PDCD1LG2: variants seen among roughly 807,000 people sequenced by gnomAD.
The protein encoded by PDCD1LG2 is B7 dendritic cell molecule.
A neutral mutation model predicts 28.2 loss-of-function variants in PDCD1LG2; 32 were observed. That is an observed-to-expected ratio of 1.13 (90% confidence interval 0.86 to 1.52). The LOEUF (loss-of-function observed/expected upper bound fraction) is 1.52, where lower values mean the gene tolerates loss of function less well. PDCD1LG2 is among the 40% of genes most tolerant of loss of function. PDCD1LG2 has a pLI of 0.00. For synonymous variants in PDCD1LG2, 116 were observed against 120.2 expected (o/e 0.97, Z 0.23); for missense variants, 385 against 323.8 (o/e 1.19, Z -1.45).
At chr9:5,525,974 G>C (rs903285820) in intron 2 of PDCD1LG2, among the ~76,000 whole-genome samples, 3 of 151,634 alleles carry the variant, frequency 2.0e-5, no homozygotes, top group African/African-American at 7.3e-5. Flanking sequence ...TTGAACCAGG[G>C]AGTCGGAGGT....
chr9:5,566,283 A>C (rs1371376160), intron 6 of PDCD1LG2, among the ~76,000 whole-genome samples: 1 of 152,178 alleles, frequency 6.6e-6, no homozygotes, highest in East Asian at 1.9e-4. Flanking sequence ...TTGCTTCACT[A>C]ACCAGCAACT....
Position 5,512,505 on chromosome 9 carries a change from C to A in PDCD1LG2, c.-15+1702C>A, listed in dbSNP as rs138191376. ...GGGGGAGCTTCTGATGCTCTTCTGA[C>A]CACCTTGTCTCTGCCTTTTTCACTA... On this transcript the variant is annotated intron_variant, in intron 1 of 6. Coordinates refer to ENST00000397747, the MANE Select transcript of PDCD1LG2 (RefSeq NM_025239.4). Among the ~76,000 whole-genome samples, 478 of 152,292 alleles carry A rather than the reference C, an allele frequency of 3.1e-3. 2 individuals are homozygous for A. The highest frequency in any genetic ancestry group is 0.011 in the African/African-American group (442 of 41,544).
Position 5,534,886 on chromosome 9 carries a change from C to T in PDCD1LG2, c.197C>T (p.Thr66Ile), listed in dbSNP as rs1420582774. 1 of 1,614,034 alleles carries T rather than the reference C, an allele frequency of 6.2e-7. No homozygotes were observed. Among genetic ancestry groups the T allele is most frequent in the Non-Finnish European group, 8.5e-7 (1 of 1,180,010 alleles). ...TASLQKVEND[T>I]SPHRERATLL... is the part of the protein sequence containing the mutation. ...AGTTTGCAAAAGGTGGAAAATGATA[C>T]ATCCCCACACCGTGAAAGAGCCACT... is the stretch of plus-strand genomic sequence containing the variant. Residue 66 changes from threonine (T) to isoleucine (I), a missense_variant, in exon 3 of 7, where the codon ACA (threonine) becomes ATA (isoleucine). Physicochemically the swap from Thr to Ile is moderately conservative, Grantham distance 89. Coordinates refer to ENST00000397747, the MANE Select transcript of PDCD1LG2 (RefSeq NM_025239.4).
At chr9:5,512,010 A>T (rs893867474) in intron 1 of PDCD1LG2, among the ~76,000 whole-genome samples, 1 of 152,210 alleles carries the variant, frequency 6.6e-6, no homozygotes, top group Non-Finnish European at 1.5e-5. Context: ...ACCAGAAATG[A>T]AATGTTCGTG....
In PDCD1LG2 at chr9:5,562,033, C is replaced by T. The variant is rs531614243; in HGVS notation, c.767-1129C>T. ...AGACCTCCAAATTCCAGGCCAAGCT[C>T]AGGATAGTCATGAGGGAATTACTAA... On this transcript the variant is annotated intron_variant, in intron 5 of 6. Coordinates refer to ENST00000397747, the MANE Select transcript of PDCD1LG2 (RefSeq NM_025239.4). 2.0e-5 allele frequency among the ~76,000 whole-genome samples: 3 copies of T among 152,202 alleles called. No individual in the cohort carries two copies. In the South Asian group the frequency reaches 6.2e-4, roughly 32 times the overall value.
chr9:5,534,348 G>A (rs955379287), intron 2 of PDCD1LG2, among the ~76,000 whole-genome samples: 7 of 152,160 alleles, frequency 4.6e-5, no homozygotes, highest in Admixed American at 3.3e-4. Context: ...TTGATGGTAG[G>A]GAAGTCGAAA....
chr9:5,542,853 A>C (rs1012538527), intron 3 of PDCD1LG2, among the ~76,000 whole-genome samples: 1 of 146,734 alleles, frequency 6.8e-6, no homozygotes, highest in Non-Finnish European at 1.5e-5. Context: ...AAAAGAAGTC[A>C]TTATACAAAA....
rs757028141 is a variant in PDCD1LG2, at chr9:5,521,176, C to G, written c.-14-1357C>G. On this transcript the variant is annotated intron_variant, in intron 1 of 6. Coordinates refer to ENST00000397747, the MANE Select transcript of PDCD1LG2 (RefSeq NM_025239.4). ...ATCCAGAATAAGCAATTGATAGAGA[C>G]AGAAACTAGATTAGTGGTTGCCAAG... 2.0e-4 allele frequency among the ~76,000 whole-genome samples: 30 copies of G among 152,062 alleles called. No individual in the cohort carries two copies. In the Middle Eastern group the frequency reaches 0.014, roughly 69 times the overall value.
intron 2 of PDCD1LG2, among the ~76,000 whole-genome samples, chr9:5,527,603 GTTA>G (rs1320827481): frequency 6.6e-6 from 1 of 152,182 alleles, no homozygotes; most frequent in Admixed American, 6.5e-5. Context: ...TACAAATAAA[GTTA>G]TTATAAATAT....
chr9:5,529,282 G>A (rs1210238414), intron 2 of PDCD1LG2, among the ~76,000 whole-genome samples: 1 of 152,106 alleles, frequency 6.6e-6, no homozygotes, highest in Non-Finnish European at 1.5e-5. Context: ...TTTTGTAGTT[G>A]TATATTCTAT....
At chr9:5,527,735 T>G (rs761607437) in intron 2 of PDCD1LG2, among the ~76,000 whole-genome samples, 1 of 152,182 alleles carries the variant, frequency 6.6e-6, no homozygotes, top group Non-Finnish European at 1.5e-5. Context: ...CTGCCAAACC[T>G]TTCCATAGTG....
chr9:5,519,424 G>A (rs775762219), intron 1 of PDCD1LG2, among the ~76,000 whole-genome samples: 2 of 152,132 alleles, frequency 1.3e-5, no homozygotes, highest in African/African-American at 4.8e-5. Flanking sequence ...GGTCAGCAAG[G>A]CCCCAGGTGT....
rs1167349209 is a variant in PDCD1LG2, at chr9:5,569,019, C to A, written c.817-935C>A. Among the ~76,000 whole-genome samples, 1 of 152,088 alleles carries A rather than the reference C, an allele frequency of 6.6e-6. No homozygotes were observed. The highest frequency in any genetic ancestry group is 1.5e-5 in the Non-Finnish European group (1 of 68,022). Reference sequence around the variant, plus strand: ...ATAGAGGAGACACTAACAGGAAAGGCAGAGAGGCAGGAAGGTGTGGGAAAG... The same window carrying A: ...ATAGAGGAGACACTAACAGGAAAGGAAGAGAGGCAGGAAGGTGTGGGAAAG... On this transcript the variant is annotated intron_variant, in intron 6 of 6. Transcript: ENST00000397747. The surrounding 1 kb of genome is among the most constrained non-coding windows in gnomAD (Gnocchi z 4.1).
chr9:5,558,780 C>G (rs1219657941), intron 5 of PDCD1LG2, among the ~76,000 whole-genome samples: 1 of 151,034 alleles, frequency 6.6e-6, no homozygotes, highest in Non-Finnish European at 1.5e-5. Context: ...GAATTGTTGC[C>G]AAAAGAAAAA....
chr9:5,552,647 A>G (rs1313735643), intron 4 of PDCD1LG2, among the ~76,000 whole-genome samples: 1 of 152,216 alleles, frequency 6.6e-6, no homozygotes, highest in Admixed American at 6.5e-5. Flanking sequence ...GCTTTATGCC[A>G]AATTAAAATT....
At chr9:5,562,753 T>C (rs926061186) in intron 5 of PDCD1LG2, among the ~76,000 whole-genome samples, 2 of 152,220 alleles carry the variant, frequency 1.3e-5, no homozygotes, top group Non-Finnish European at 2.9e-5. Flanking sequence ...TTTGAGCCAG[T>C]ATCAGTCACT....
At chr9:5,532,854 T>C (rs1264455196) in intron 2 of PDCD1LG2, among the ~76,000 whole-genome samples, 1 of 152,184 alleles carries the variant, frequency 6.6e-6, no homozygotes, top group Admixed American at 6.5e-5. Context: ...GCCTGCCAGA[T>C]CTAGGCACTT....
In PDCD1LG2 at chr9:5,570,170, G is replaced by A; in HGVS notation, c.*211G>A. 1 of 607,984 alleles carries A rather than the reference G, an allele frequency of 1.6e-6. No homozygotes were observed. 37.7% of individuals were successfully genotyped at this position (607,984 alleles called of 1,614,324 possible). ...TCACTGATCTGGACTCACCTCTGGA[G>A]CCTATGGCTTTAAGCAAGCACTACT... On this transcript the variant is annotated 3_prime_UTR_variant, in exon 7 of 7. Coordinates refer to ENST00000397747, the MANE Select transcript of PDCD1LG2 (RefSeq NM_025239.4).
chr9:5,526,384 C>T (rs1201336948), intron 2 of PDCD1LG2, among the ~76,000 whole-genome samples: 12 of 152,166 alleles, frequency 7.9e-5, no homozygotes, highest in Non-Finnish European at 1.8e-4. Context: ...ACCTCCTTTG[C>T]AAATACTCTT....
Sources: gnomAD v4.1 joint callset for allele counts (sites outside exome capture counted in the v4.1 genomes callset) on GRCh38, gnomAD v4.1.1 for gene constraint, Gnocchi (gnomAD v3.1) non-coding constraint, MANE v1.5 for transcripts, NCBI Gene and HGNC (gene_info 2026-07-23, HGNC 2026-07-21) for gene names.